PLD5: variants seen among roughly 807,000 people sequenced by gnomAD.
PLD5 encodes the protein phospholipase D family member 5, also known as inactive phospholipase D5.
A neutral mutation model predicts 61.1 loss-of-function variants in PLD5; 36 were observed. That is an observed-to-expected ratio of 0.59 (90% CI 0.45 to 0.78). The LOEUF is 0.78. Ranked by LOEUF, PLD5 falls within the 30% of genes least tolerant of loss-of-function variation. PLD5 has a pLI of 0.00. For synonymous variants in PLD5, 243 were observed against 242.8 expected (o/e 1.00, Z -0.01); for missense variants, 515 against 644.4 (o/e 0.80, Z 2.17).
chr1:242,329,749 T>A (rs1659053655), intron 2 of PLD5, among the ~76,000 whole-genome samples: 1 of 152,164 alleles, frequency 6.6e-6, no homozygotes, highest in Admixed American at 6.5e-5. Flanking sequence ...TTGAGTAAGT[T>A]CTCTAGGTGA....
chr1:242,253,608 C>G (rs540942627), intron 4 of PLD5, among the ~76,000 whole-genome samples: 1 of 152,254 alleles, frequency 6.6e-6, no homozygotes, highest in East Asian at 1.9e-4. Context: ...CCACCGCGCC[C>G]GGCCGCTTCA....
intron 9 of PLD5, among the ~76,000 whole-genome samples, chr1:242,100,078 C>T (rs1015215213): frequency 3.3e-5 from 5 of 152,220 alleles, no homozygotes; most frequent in African/African-American, 1.2e-4. Flanking sequence ...TGGGTATTAT[C>T]TATGTGCTAG....
At chr1:242,131,480 A>G (rs1475320861) in intron 5 of PLD5, among the ~76,000 whole-genome samples, 1 of 152,188 alleles carries the variant, frequency 6.6e-6, no homozygotes, top group East Asian at 1.9e-4. Flanking sequence ...AATGCTAATT[A>G]ATTATAGTGC....
intron 1 of PLD5, among the ~76,000 whole-genome samples, chr1:242,497,828 T>G (rs1668420342): frequency 6.6e-6 from 1 of 152,238 alleles, no homozygotes; most frequent in African/African-American, 2.4e-5. Flanking sequence ...TGCCAAGCAC[T>G]GCGGAAGGAA....
At chr1:242,280,314 G>T (rs1674650472) in intron 3 of PLD5, among the ~76,000 whole-genome samples, 1 of 152,126 alleles carries the variant, frequency 6.6e-6, no homozygotes. Flanking sequence ...GAATAACACT[G>T]CGAATTTGCC....
chr1:242,253,306 T>A (rs1485265541), intron 4 of PLD5, among the ~76,000 whole-genome samples: 12 of 15,050 alleles, frequency 8.0e-4, no homozygotes, highest in African/African-American at 2.6e-3. Context: ...CTCTCTTCAC[T>A]TTTTTTTTTT....
intron 2 of PLD5, among the ~76,000 whole-genome samples, chr1:242,307,665 T>G (rs56394930): frequency 6.6e-6 from 1 of 152,074 alleles, no homozygotes; most frequent in Non-Finnish European, 1.5e-5. Context: ...GGACAACAGT[T>G]CAAAACCAGC....
At chr1:242,127,199 C>T (rs891537410) in intron 5 of PLD5, among the ~76,000 whole-genome samples, 4 of 152,194 alleles carry the variant, frequency 2.6e-5, no homozygotes, top group African/African-American at 2.4e-5. Flanking sequence ...TTCTACACCG[C>T]TGGAGGGAAT....
intron 1 of PLD5, among the ~76,000 whole-genome samples, chr1:242,435,043 C>T (rs1665923072): frequency 7.2e-6 from 1 of 138,308 alleles, no homozygotes; most frequent in Admixed American, 6.9e-5. Flanking sequence ...ACTCCCCAGC[C>T]CTTGTTTTTT....
chr1:242,253,107 G>A (rs950211405), intron 4 of PLD5, among the ~76,000 whole-genome samples: 3 of 136,190 alleles, frequency 2.2e-5, no homozygotes, highest in Non-Finnish European at 3.1e-5. Context: ...GAGCCACCGT[G>A]TATGGCCCTT....
chr1:242,196,448 G>A (rs1352973771), intron 5 of PLD5, among the ~76,000 whole-genome samples: 2 of 152,098 alleles, frequency 1.3e-5, no homozygotes, highest in Admixed American at 1.3e-4. Flanking sequence ...CATCAGAAAG[G>A]TATTTGATGA....
At chr1:242,253,562 C>T (rs2494912) in intron 4 of PLD5, among the ~76,000 whole-genome samples, 29,998 of 151,836 alleles carry the variant, frequency 0.2, 3,793 homozygotes, top group Non-Finnish European at 0.29. Context: ...ATCTGCCCGC[C>T]TCGGTCTCCC....
At chr1:242,342,652 A>G (rs1239010473) in intron 2 of PLD5, among the ~76,000 whole-genome samples, 1 of 152,188 alleles carries the variant, frequency 6.6e-6, no homozygotes, top group African/African-American at 2.4e-5. Context: ...CCCTCAGGTA[A>G]CCAAAGTGAC....
chr1:242,339,165 A>G (rs1659695606), intron 2 of PLD5, among the ~76,000 whole-genome samples: 2 of 152,148 alleles, frequency 1.3e-5, no homozygotes, highest in Admixed American at 6.5e-5. Flanking sequence ...AATGAACACT[A>G]TTCTTTAATT....
chr1:242,170,782 C>A (rs527609184), intron 5 of PLD5, among the ~76,000 whole-genome samples: 6 of 151,638 alleles, frequency 4.0e-5, no homozygotes, highest in African/African-American at 1.5e-4. Context: ...GTAGCCAAAT[C>A]GATCAAGGGG....
intron 7 of PLD5, among the ~76,000 whole-genome samples, chr1:242,112,339 G>GTGTGTATA (rs1370325825): frequency 9.8e-5 from 14 of 143,388 alleles, no homozygotes; most frequent in South Asian, 4.7e-4. Flanking sequence ...ATGTATATGT[G>GTGTGTATA]TATATATATA....
Position 242,433,314 on chromosome 1 carries a change from GTC to G in PLD5, c.190-85074_190-85073del, listed in dbSNP as rs1665820576. On this transcript the variant is annotated intron_variant, in intron 1 of 9. Transcript: ENST00000536534. ...ATTAAATATATAGTGAAAAGTAGGT[GTC>G]TCTGTCTCACCCTTGAAAGAATTCT... is the stretch of plus-strand genomic sequence containing the variant. Among the ~76,000 whole-genome samples, 3 of 152,288 alleles carry G rather than the reference GTC, an allele frequency of 2.0e-5. 1 individual carries two copies. In the South Asian group the frequency reaches 6.2e-4, roughly 32 times the overall value.
At chr1:242,360,673 G>A (rs1281827490) in intron 1 of PLD5, among the ~76,000 whole-genome samples, 4 of 152,004 alleles carry the variant, frequency 2.6e-5, no homozygotes, top group Non-Finnish European at 5.9e-5. Flanking sequence ...GTATGTTAGT[G>A]TCCTTAAATG....
chr1:242,136,206 C>CTGATA (rs1383055610), intron 5 of PLD5, among the ~76,000 whole-genome samples: 2 of 152,218 alleles, frequency 1.3e-5, no homozygotes, highest in African/African-American at 2.4e-5. Context: ...GAGTAACTAA[C>CTGATA]TGATAGTTTG....
Sources: gnomAD v4.1 joint callset for allele counts (sites outside exome capture counted in the v4.1 genomes callset) on GRCh38, gnomAD v4.1.1 for gene constraint, MANE v1.5 for transcripts, NCBI Gene and HGNC (gene_info 2026-07-23, HGNC 2026-07-21) for gene names.